Variants in ADAMTSL3 observed in about 807,000 individuals in gnomAD.
The protein encoded by ADAMTSL3 is ADAMTS-like protein 3.
Under a neutral mutation model 201.7 loss-of-function variants are expected in ADAMTSL3, and 128 were observed. The observed-to-expected ratio is 0.63, with a 90% CI of 0.55 to 0.73. The LOEUF (loss-of-function observed/expected upper bound fraction) is 0.73, where lower values mean the gene tolerates loss of function less well. Among genes scored for constraint, ADAMTSL3 ranks in the 30% least tolerant of loss-of-function variants. The pLI is 0.00. For missense variants in ADAMTSL3, 1,990 were observed against 2,119.6 expected (o/e 0.94, Z 1.20); for synonymous variants, 738 against 748.4 (o/e 0.99, Z 0.23).
chr15:83,753,447 TTACTTTGG>T (rs1284087120), intron 3 of ADAMTSL3, among the ~76,000 whole-genome samples: 1 of 152,212 alleles, frequency 6.6e-6, no homozygotes, highest in Non-Finnish European at 1.5e-5. Flanking sequence ...CTTTCATTAC[TTACTTTGG>T]TAGCTGTCAA....
chr15:83,699,318 C>T (rs2061733917), intron 2 of ADAMTSL3, among the ~76,000 whole-genome samples: 1 of 152,130 alleles, frequency 6.6e-6, no homozygotes, highest in Admixed American at 6.5e-5. Context: ...GTTTCTGCCT[C>T]AGGGCTATCC....
intron 23 of ADAMTSL3, 104 bp from the exon 24 acceptor site, chr15:84,014,438 C>A: frequency 9.6e-7 from 1 of 1,037,332 alleles, no homozygotes; most frequent in Non-Finnish European, 1.4e-6. Context: ...TGATTAAACC[C>A]ATATGCTGAC....
chr15:83,865,998 C>T (rs1442242341), intron 8 of ADAMTSL3, among the ~76,000 whole-genome samples: 1 of 152,112 alleles, frequency 6.6e-6, no homozygotes, highest in African/African-American at 2.4e-5. Flanking sequence ...AGCCAAAAGA[C>T]ACATGAAAAA....
rs150618994 is a variant in ADAMTSL3 at position 83,982,554 on chromosome 15, G to A, written c.2926G>A (p.Asp976Asn). 10 of 1,614,006 alleles carry A rather than the reference G, an allele frequency of 6.2e-6. No homozygotes were observed. In the African/African-American group the frequency reaches 6.7e-5, roughly 11 times the overall value. Reference sequence around the variant, plus strand: ...AAAAATCCATGGTCTTGCTGCCCCCGACATCGGCGTGTACCGGTGCATTGC... The same window carrying A: ...AAAAATCCATGGTCTTGCTGCCCCCAACATCGGCGTGTACCGGTGCATTGC... Reference protein sequence around the residue: ...SLKIHGLAAPDIGVYRCIAGS... With the variant: ...SLKIHGLAAPNIGVYRCIAGS... Residue 976 changes from aspartate to asparagine, a missense_variant, in exon 21 of 30, where the codon GAC becomes AAC. Physicochemically the swap from Asp to Asn is conservative, Grantham distance 23 (BLOSUM62 1). Transcript: ENST00000286744.
chr15:83,724,384 C>T (rs1183404583), intron 3 of ADAMTSL3, among the ~76,000 whole-genome samples: 4 of 151,984 alleles, frequency 2.6e-5, no homozygotes, highest in Non-Finnish European at 5.9e-5. Context: ...AGGTGTGAGC[C>T]ACCGCACCTG....
intron 21 of ADAMTSL3, among the ~76,000 whole-genome samples, chr15:83,986,618 A>G (rs1458842844): frequency 6.6e-6 from 1 of 152,230 alleles, no homozygotes; most frequent in Non-Finnish European, 1.5e-5. Context: ...TTCCCTTTAC[A>G]TAACAAATGT....
rs145417364 is a variant in ADAMTSL3 at position 83,796,136 on chromosome 15, G to T, written c.318-8514G>T. Among the ~76,000 whole-genome samples, 27 of 152,190 alleles carry T rather than the reference G, an allele frequency of 1.8e-4. No individual in the cohort carries two copies. In the East Asian group the frequency reaches 5.2e-3, roughly 29 times the overall value. On this transcript the variant is annotated intron_variant, in intron 4 of 29. Coordinates refer to ENST00000286744, the MANE Select transcript of ADAMTSL3 (RefSeq NM_207517.3). ...GTTACCACATTCACCTTAACATTAG[G>T]TGTGAGATAAGAATGCCCACTGTCA...
chr15:83,703,943 T>A (rs1339735227), intron 2 of ADAMTSL3, among the ~76,000 whole-genome samples: 1 of 145,668 alleles, frequency 6.9e-6, no homozygotes, highest in South Asian at 2.1e-4. Context: ...CTAAAGTTTC[T>A]ACAATGAAGT....
intron 19 of ADAMTSL3, among the ~76,000 whole-genome samples, 193 bp downstream of exon 19, chr15:83,943,275 C>G (rs1275776974): frequency 6.6e-6 from 1 of 152,188 alleles, no homozygotes; most frequent in Non-Finnish European, 1.5e-5. Context: ...CACAATGATT[C>G]ATTTCCAGTT....
chr15:83,717,469 A>T (rs2062035701), intron 3 of ADAMTSL3: 1 of 152,194 alleles, frequency 6.6e-6, no homozygotes, highest in Non-Finnish European at 1.5e-5. Context: ...AACAATACAG[A>T]GAAGATTAGC....
intron 23 of ADAMTSL3, among the ~76,000 whole-genome samples, chr15:83,998,543 G>A (rs2067731444): frequency 1.3e-5 from 2 of 152,188 alleles, no homozygotes; most frequent in African/African-American, 2.4e-5. Flanking sequence ...TCTTACTTAC[G>A]TAAAAGCTAA....
intron 8 of ADAMTSL3, chr15:83,861,653 TA>T (rs1243260247): frequency 6.6e-6 from 1 of 152,232 alleles, no homozygotes; most frequent in East Asian, 1.9e-4. Flanking sequence ...CAAAGGTAGA[TA>T]AAACCACAAA....
At chr15:83,967,494 G>A (rs1567270087) in intron 19 of ADAMTSL3, among the ~76,000 whole-genome samples, 1 of 152,134 alleles carries the variant, frequency 6.6e-6, no homozygotes, top group Non-Finnish European at 1.5e-5. Context: ...CCTCTTCAAG[G>A]AGAACTACAT....
chr15:83,682,653 GTGTT>G (rs2061490978), intron 2 of ADAMTSL3, among the ~76,000 whole-genome samples: 1 of 152,270 alleles, frequency 6.6e-6, no homozygotes, highest in East Asian at 1.9e-4. Flanking sequence ...AGGAGATTCA[GTGTT>G]TGTTTATTGT....
At chr15:83,898,590 T>A (rs921389862) in intron 14 of ADAMTSL3, among the ~76,000 whole-genome samples, 3 of 152,198 alleles carry the variant, frequency 2.0e-5, no homozygotes, top group African/African-American at 7.2e-5. Context: ...GTAGTTCACA[T>A]TTGTTCCACA....
intron 4 of ADAMTSL3, among the ~76,000 whole-genome samples, chr15:83,778,813 A>G (rs1209818282): frequency 6.6e-6 from 1 of 152,258 alleles, no homozygotes; most frequent in Non-Finnish European, 1.5e-5. Context: ...ATTAAAAGAC[A>G]CAGAGTAGCA....
At chr15:83,813,434 A>T (rs532677500) in intron 5 of ADAMTSL3, among the ~76,000 whole-genome samples, 1 of 152,272 alleles carries the variant, frequency 6.6e-6, no homozygotes, top group South Asian at 2.1e-4. Context: ...AAATTCAGTC[A>T]CTCAAGAAAA....
chr15:83,665,188 G>A (rs2061232470), intron 2 of ADAMTSL3, among the ~76,000 whole-genome samples: 1 of 152,168 alleles, frequency 6.6e-6, no homozygotes, highest in Non-Finnish European at 1.5e-5. Context: ...TGAAGGAGTG[G>A]AACTTGGTAA....
At chr15:83,714,522 C>T (rs1190022220) in intron 3 of ADAMTSL3, among the ~76,000 whole-genome samples, 1 of 152,186 alleles carries the variant, frequency 6.6e-6, no homozygotes, top group Non-Finnish European at 1.5e-5. Context: ...CTGCCATCCT[C>T]GTCTAACCCT....
Sources: gnomAD v4.1 joint callset for allele counts (sites outside exome capture counted in the v4.1 genomes callset) on GRCh38, gnomAD v4.1.1 for gene constraint, MANE v1.5 for transcripts, NCBI Gene and HGNC (gene_info 2026-07-23, HGNC 2026-07-21) for gene names.